Variants in CST1 observed in about 807,000 individuals in gnomAD.
CST1 encodes the protein cystatin-SN.
Under a neutral mutation model 10.7 loss-of-function variants are expected in CST1, and 19 were observed. The ratio of observed to expected loss-of-function variants is 1.78; its 90% CI spans 1.24 to 2.61. The LOEUF is 2.61. CST1 is among the 30% of genes most tolerant of loss of function. The pLI is 0.00. For missense variants in CST1, 247 were observed against 178.1 expected, an observed-to-expected ratio of 1.39 and a Z score of -2.20; for synonymous variants, 95 against 72.8, an observed-to-expected ratio of 1.31 and a Z score of -1.55.
chr20:23,750,074 C>A (rs1457771878), intron 1 of CST1, among the ~76,000 whole-genome samples: 1 of 151,950 alleles, frequency 6.6e-6, no homozygotes, highest in Non-Finnish European at 1.5e-5. Flanking sequence ...TGCTGGGTGA[C>A]CACTGTCCTC....
At chr20:23,748,513 G>T (rs113569021) in intron 2 of CST1, among the ~76,000 whole-genome samples, 4 of 152,182 alleles carry the variant, frequency 2.6e-5, no homozygotes, top group South Asian at 4.1e-4. Flanking sequence ...ATTAGACAGA[G>T]CCCCTTCTCC....
At chr20:23,748,821 C>T (rs566476430) in intron 2 of CST1, among the ~76,000 whole-genome samples, 195 bp downstream of exon 2, 4 of 152,076 alleles carry the variant, frequency 2.6e-5, no homozygotes, top group South Asian at 2.1e-4. Context: ...TGTGTACACA[C>T]GTGCACCTTT....
In CST1 at chr20:23,748,344, G is replaced by A. The variant is rs565518243; in HGVS notation, c.343-445C>T. On this transcript the variant is annotated intron_variant, in intron 2 of 2. Coordinates refer to ENST00000304749, the MANE Select transcript of CST1 (RefSeq NM_001898.3). Reference sequence around the variant, plus strand: ...GGGCAAGGGCAACAAGGGGAGTGTGGCTCTCCCCTGAGTGGAGACCTCACA... The same window carrying A: ...GGGCAAGGGCAACAAGGGGAGTGTGACTCTCCCCTGAGTGGAGACCTCACA... Among the ~76,000 whole-genome samples, 894 of 152,158 alleles carry A rather than the reference G, an allele frequency of 5.9e-3. 10 individuals carry two copies. Among genetic ancestry groups the A allele is most frequent in the African/African-American group, 0.02 (831 of 41,518 alleles).
At chr20:23,750,615 C>A in intron 1 of CST1, 24 bp downstream of exon 1, 7 of 1,606,256 alleles carry the variant, frequency 4.4e-6, no homozygotes, top group South Asian at 1.1e-5. Flanking sequence ...GACCCAGGAC[C>A]CCTGGGGTGG....
At chr20:23,750,158 G>A (rs978459411) in intron 1 of CST1, among the ~76,000 whole-genome samples, 7 of 152,072 alleles carry the variant, frequency 4.6e-5, no homozygotes, top group South Asian at 2.1e-4. Flanking sequence ...GGGACTCAGC[G>A]CCCTGGGCTG....
At chr20:23,749,209 C>A in intron 1 of CST1, 80 bp from the exon 2 acceptor site, 6 of 1,144,736 alleles carry the variant, frequency 5.2e-6, no homozygotes, top group Non-Finnish European at 7.9e-6. Flanking sequence ...AGTCACTGGA[C>A]TTGCTTGGGG....
At chr20:23,750,065 G>A (rs1383293444) in intron 1 of CST1, among the ~76,000 whole-genome samples, 3 of 151,952 alleles carry the variant, frequency 2.0e-5, no homozygotes, top group African/African-American at 7.3e-5. Context: ...CCTCTGCTCT[G>A]CTGGGTGACC....
chr20:23,749,292 G>A (rs1200852858), intron 1 of CST1, among the ~76,000 whole-genome samples, 163 bp from the exon 2 acceptor site: 2 of 152,166 alleles, frequency 1.3e-5, no homozygotes, highest in Non-Finnish European at 2.9e-5. Flanking sequence ...AGGGTGCTGA[G>A]CCTCATACCC....
At chr20:23,750,470 G>A (rs777887185) in intron 1 of CST1, among the ~76,000 whole-genome samples, 169 bp downstream of exon 1, 7 of 152,224 alleles carry the variant, frequency 4.6e-5, no homozygotes, top group East Asian at 1.9e-4. Context: ...GTGCACGGCC[G>A]GGGAGCGTGC....
rs1162649210 is a variant in CST1, at chr20:23,750,778, A to G, written c.89T>C (p.Ile30Thr). Residue 30 changes from isoleucine (I) to threonine (T), a missense_variant, in exon 1 of 3, where the codon ATC (isoleucine) becomes ACC (threonine). Ile to Thr is a moderately conservative substitution (Grantham distance 89). Transcript: ENST00000304749. ...GTCTGCGTTATAGATGCCACCCGGG[A>G]TTATCCTATCCTCCTCCTTGGGGCT... Reference protein sequence around the residue: ...AWSPKEEDRIIPGGIYNADLN... With the variant: ...AWSPKEEDRITPGGIYNADLN... 6.2e-7 allele frequency: 1 copy of G among 1,614,084 alleles called. No individual in the cohort carries two copies.
chr20:23,750,568 G>A, intron 1 of CST1, 71 bp downstream of exon 1: 1 of 1,344,104 alleles, frequency 7.4e-7, no homozygotes, highest in South Asian at 1.2e-5. Context: ...TGATTTGCTG[G>A]GAATGCTCTT....
chr20:23,747,881 C>A lies in CST1; in HGVS notation c.361G>T (p.Glu121Ter). 3 of 1,613,798 alleles carry A rather than the reference C, an allele frequency of 1.9e-6. No individual in the cohort carries two copies. Among genetic ancestry groups the A allele is most frequent in the South Asian group, 2.2e-5 (2 of 91,066 alleles). Residue 121 changes from glutamate (E) to a stop codon, truncating the protein, a stop_gained, in exon 3 of 3, where the codon GAG becomes TAG. Coordinates refer to ENST00000304749, the MANE Select transcript of CST1 (RefSeq NM_001898.3). LOFTEE classifies it low-confidence loss of function (END_TRUNC). ...TTCTCCCAGGGAACTTCGTAGATCT[C>A]GAAAGAGCACAACTGTTTCTGTGAA... Reference protein sequence around the residue: ...ELQKKQLCSFEIYEVPWENRR... With the variant: ...ELQKKQLCSF
rs563788931 is a variant in CST1, at chr20:23,747,697, C to A, written c.*119G>T. 29 of 877,362 alleles carry A rather than the reference C, an allele frequency of 3.3e-5. No individual in the cohort carries two copies. In the African/African-American group the frequency reaches 3.3e-4, roughly 10 times the overall value. 54.3% of individuals were successfully genotyped at this position (877,362 alleles called of 1,614,324 possible). ...GACTCCTGCAGCCTTCTCTGTCTGT[C>A]TCTTGGCGCAGGCACATGGGGAGGC... On this transcript the variant is annotated 3_prime_UTR_variant, in exon 3 of 3. Coordinates refer to ENST00000304749, the MANE Select transcript of CST1 (RefSeq NM_001898.3).
At chr20:23,749,898 T>TGGGAGAGACA (rs1272962522) in intron 1 of CST1, among the ~76,000 whole-genome samples, 1 of 149,648 alleles carries the variant, frequency 6.7e-6, no homozygotes, top group Non-Finnish European at 1.5e-5. Flanking sequence ...AGCTGACAGC[T>TGGGAGAGACA]GCAAGAGGAG....
In CST1 at chr20:23,747,882, G is replaced by T. The variant is rs774529465; in HGVS notation, c.360C>A (p.Phe120Leu). ...TCTCCCAGGGAACTTCGTAGATCTC[G>T]AAAGAGCACAACTGTTTCTGTGAAA... The part of the protein sequence containing the change: ...PELQKKQLCS[F>L]EIYEVPWENR... Residue 120 changes from phenylalanine to leucine, a missense_variant, in exon 3 of 3, where the codon TTC becomes TTA. Phe to Leu is a conservative substitution (Grantham distance 22). Transcript: ENST00000304749. 1.9e-6 allele frequency: 3 copies of T among 1,613,852 alleles called. No individual in the cohort carries two copies. The highest frequency in any genetic ancestry group is 4.5e-5 in the East Asian group (2 of 44,868).
chr20:23,748,286 C>T lies in CST1; in HGVS notation c.343-387G>A, dbSNP rs1600405632. On this transcript the variant is annotated intron_variant, in intron 2 of 2. Coordinates refer to ENST00000304749, the MANE Select transcript of CST1 (RefSeq NM_001898.3). ...AGGGGCCAGAGGGAAGAACCCAGGG[C>T]AGGGCAACTCCCCCTCAAAGAGCTG... 2.0e-5 allele frequency among the ~76,000 whole-genome samples: 3 copies of T among 152,208 alleles called. No homozygotes were observed. In the East Asian group the frequency reaches 5.8e-4, roughly 29 times the overall value.
rs1244432019 is a variant in CST1, at chr20:23,750,764, A to G, written c.103T>C (p.Tyr35His). 6.2e-7 allele frequency: 1 copy of G among 1,614,156 alleles called. No homozygotes were observed. The highest frequency in any genetic ancestry group is 1.7e-5 in the Admixed American group (1 of 60,026). ...EEDRIIPGGI[Y>H]NADLNDEWVQ... Reference sequence around the variant, plus strand: ...CACTCATCATTGAGGTCTGCGTTATAGATGCCACCCGGGATTATCCTATCC... The same window carrying G: ...CACTCATCATTGAGGTCTGCGTTATGGATGCCACCCGGGATTATCCTATCC... The change falls in exon 1 of 3, where the codon TAT (tyrosine) becomes CAT (histidine). Residue 35 changes from tyrosine (Y) to histidine (H), a missense_variant. Physicochemically the swap from Tyr to His is moderately conservative, Grantham distance 83. Coordinates refer to ENST00000304749, the MANE Select transcript of CST1 (RefSeq NM_001898.3).
chr20:23,749,525 TG>T (rs780693334), intron 1 of CST1, among the ~76,000 whole-genome samples: 11 of 152,180 alleles, frequency 7.2e-5, no homozygotes, highest in Non-Finnish European at 1.3e-4. Flanking sequence ...TTTGGATCAA[TG>T]GGGCCGCCCG....
rs778138934 is a variant in CST1 at position 23,750,899 on chromosome 20, C to A, written c.-33G>T. 34 of 1,558,742 alleles carry A rather than the reference C, an allele frequency of 2.2e-5. No homozygotes were observed. On this transcript the variant is annotated 5_prime_UTR_variant, in exon 1 of 3. Transcript: ENST00000304749. ...TCAGAGGCAGAGCACAAAGCTGGAGCTGCAGGAGAGGAGGGTGAGAGCCCG... is the reference window on the plus strand; with the variant it reads ...TCAGAGGCAGAGCACAAAGCTGGAGATGCAGGAGAGGAGGGTGAGAGCCCG...
Sources: gnomAD v4.1 joint callset for allele counts (sites outside exome capture counted in the v4.1 genomes callset) on GRCh38, gnomAD v4.1.1 for gene constraint, MANE v1.5 for transcripts, NCBI Gene and HGNC (gene_info 2026-07-23, HGNC 2026-07-21) for gene names.